The following CEP152 variants were observed in gnomAD, a reference collection of about 807,000 sequenced individuals.
CEP152 encodes centrosomal protein 152.
CEP152 carries 132 observed loss-of-function variants against 188.9 expected under a neutral mutation model. The ratio of observed to expected loss-of-function variants is 0.70; its 90% CI spans 0.61 to 0.81. CEP152 has a LOEUF of 0.81. Among genes scored for constraint, CEP152 ranks in the 30% least tolerant of loss-of-function variants. The pLI is 0.00. For missense variants in CEP152, 1,914 were observed against 1,969.8 expected, an observed-to-expected ratio of 0.97 and a Z score of 0.54; for synonymous variants, 649 against 666.6, an observed-to-expected ratio of 0.97 and a Z score of 0.41.
chr15:48,797,160 C>G (rs980856663), intron 5 of CEP152, 141 bp downstream of exon 5: 2 of 881,246 alleles, frequency 2.3e-6, no homozygotes, highest in Admixed American at 1.9e-5. Context: ...TCACCATGAA[C>G]CTGAATAAGT....
intron 26 of CEP152, among the ~76,000 whole-genome samples, chr15:48,739,508 T>G (rs992489394): frequency 2.6e-5 from 4 of 152,166 alleles, no homozygotes; most frequent in African/African-American, 9.7e-5. Context: ...TAGATAAAGC[T>G]TGGTAATTTT....
chr15:48,758,295 T>C (rs1476995477), intron 19 of CEP152, among the ~76,000 whole-genome samples: 3 of 152,260 alleles, frequency 2.0e-5, no homozygotes, highest in African/African-American at 7.2e-5. Context: ...CGGCCCTTTC[T>C]GGACCTCTTT....
rs1456180353 is a variant in CEP152 at position 48,737,948 on chromosome 15, A to G, written c.*301T>C. On this transcript the variant is annotated 3_prime_UTR_variant, in exon 27 of 27. Coordinates refer to ENST00000380950, the MANE Select transcript of CEP152 (RefSeq NM_001194998.2). The stretch of plus-strand genomic sequence containing the variant: ...AATTCATAACAATTCTACAGACCAT[A>G]TGCAAGTTTATTTAAATAAGTTAAC... 2 of 263,772 alleles carry G rather than the reference A, an allele frequency of 7.6e-6. No individual in the cohort carries two copies. Among genetic ancestry groups the G allele is most frequent in the Non-Finnish European group, 1.4e-5 (2 of 139,020 alleles). The allele number at this position is 263,772 out of a possible 1,614,324, so 16.3% of individuals were successfully genotyped here.
chr15:48,765,720 C>A (rs1166137684), intron 17 of CEP152: 2 of 346,036 alleles, frequency 5.8e-6, no homozygotes, highest in African/African-American at 5.2e-5. Flanking sequence ...GTGGCGCAAT[C>A]TCGACTCACT....
rs1595614917 is a variant in CEP152 at position 48,756,119 on chromosome 15, C to T, written c.3129G>A (p.Glu1043=). 6.2e-7 allele frequency: 1 copy of T among 1,614,110 alleles called. No individual in the cohort carries two copies. Among genetic ancestry groups the T allele is most frequent in the East Asian group, 2.2e-5 (1 of 44,882 alleles). Residue 1043 remains glutamate, a synonymous_variant, in exon 20 of 27, where the codon GAG becomes GAA. Transcript: ENST00000380950. The part of the protein sequence containing the change: ...KRIQLEIYQY[E]EDILTVLGVL... ...CCCCAAGTACAGTCAGGATGTCTTC[C>T]TCATACTGATAGATTTCCAGTTGGA...
Position 48,744,264 on chromosome 15 carries a change from TG to T in CEP152, c.3810del (p.Tyr1270Ter). 6.2e-7 allele frequency: 1 copy of T among 1,614,100 alleles called. No individual in the cohort carries two copies. Among genetic ancestry groups the T allele is most frequent in the Non-Finnish European group, 8.5e-7 (1 of 1,179,982 alleles). ...CATTTAATTTTTTTTACAGCTTTAA[TG>T]TACTGCCCACGAAGTTCTTCCAAGG... ...GGALEELRGQ[Y>X]IKAVKKIKCD... is the part of the protein sequence containing the mutation. On this transcript the variant is annotated frameshift_variant, in exon 24 of 27. Transcript: ENST00000380950. LOFTEE classifies it high-confidence loss of function.
intron 2 of CEP152, among the ~76,000 whole-genome samples, chr15:48,798,767 G>T (rs924001807): frequency 6.6e-6 from 1 of 152,008 alleles, no homozygotes; most frequent in Non-Finnish European, 1.5e-5. Context: ...TTAGCATTCT[G>T]CTTATTATAT....
At chr15:48,790,550 C>T (rs75724729) in intron 8 of CEP152, among the ~76,000 whole-genome samples, 5,340 of 152,224 alleles carry the variant, frequency 0.035, 110 homozygotes, top group Middle Eastern at 0.065. Flanking sequence ...AAACCAAGCT[C>T]ATTATTTCAT....
intron 5 of CEP152, 135 bp from the exon 6 acceptor site, chr15:48,796,295 C>T (rs201175143): frequency 0.049 from 18,477 of 378,276 alleles, 425 homozygotes; most frequent in East Asian, 0.22. Context: ...TATATACACA[C>T]ACACACACAC....
chr15:48,782,467 A>G (rs1418655756), intron 10 of CEP152, among the ~76,000 whole-genome samples: 3 of 152,204 alleles, frequency 2.0e-5, no homozygotes, highest in Admixed American at 6.5e-5. Flanking sequence ...ATGGGCTACT[A>G]TGACCTTTTT....
At position 48,781,186 on chromosome 15, in the gene CEP152, C is replaced by T; in HGVS notation, c.1577+10G>A. The T allele has an allele frequency of 6.2e-7, 1 of 1,612,234 alleles. No homozygotes were observed. Among genetic ancestry groups the T allele is most frequent in the Non-Finnish European group, 8.5e-7 (1 of 1,178,622 alleles). ...TTCTTCTACAGTAAACTAAAATATT[C>T]TTTCCATACCTGGTAACTTTGGATT... On this transcript the variant is annotated intron_variant, in intron 12 of 26. Transcript: ENST00000380950.
Position 48,741,979 on chromosome 15 carries a change from GAGGCA to G in CEP152, c.3952_3956del (p.Cys1318ProfsTer7). 6.2e-7 allele frequency: 1 copy of G among 1,614,080 alleles called. No individual in the cohort carries two copies. The stretch of plus-strand genomic sequence containing the variant: ...TTCCATCATCCTGCAAAATCTGTTG[GAGGCA>G]AATCAAATAATATTTGCGCATCTTT... On this transcript the variant is annotated frameshift_variant, in exon 25 of 27. Transcript: ENST00000380950. LOFTEE classifies it high-confidence loss of function.
intron 17 of CEP152, among the ~76,000 whole-genome samples, chr15:48,766,680 T>C (rs1248216160): frequency 6.6e-6 from 1 of 152,088 alleles, no homozygotes; most frequent in East Asian, 1.9e-4. Flanking sequence ...GAAAAAGGGC[T>C]CTGAACGAAT....
chr15:48,759,703 T>C (rs983665760), intron 19 of CEP152, among the ~76,000 whole-genome samples: 1 of 152,210 alleles, frequency 6.6e-6, no homozygotes, highest in African/African-American at 2.4e-5. Flanking sequence ...AGAGTACACA[T>C]GGTTATAATA....
At chr15:48,763,455 C>CTTGAA in intron 17 of CEP152, among the ~76,000 whole-genome samples, 1 of 152,120 alleles carries the variant, frequency 6.6e-6, no homozygotes, top group Non-Finnish European at 1.5e-5. Context: ...AGGCGGATCA[C>CTTGAA]CTGAGGTCAG....
chr15:48,773,527 G>C (rs1158759140), intron 12 of CEP152: 1 of 152,176 alleles, frequency 6.6e-6, no homozygotes, highest in Non-Finnish European at 1.5e-5. Flanking sequence ...ATGAAGGGAA[G>C]AAATACTGGG....
At chr15:48,806,410 C>G (rs1350800477) in intron 1 of CEP152, among the ~76,000 whole-genome samples, 1 of 146,716 alleles carries the variant, frequency 6.8e-6, no homozygotes, top group Admixed American at 6.7e-5. Context: ...TTAACTTGTA[C>G]TTAGGGATCC....
chr15:48,741,959 T>A lies in CEP152; in HGVS notation c.3977A>T (p.Asp1326Val). The change falls in exon 25 of 27, where the codon GAT (aspartate) becomes GTT (valine). Residue 1326 changes from aspartate (D) to valine (V), a missense_variant. Transcript: ENST00000380950. ...AGACTGAACTCACCCTTCTTTTCCA[T>A]CATCCTGCAAAATCTGTTGGAGGCA... ...LICLQQILQD[D>V]GKEGAEKKIM... 1 of 1,614,196 alleles carries A rather than the reference T, an allele frequency of 6.2e-7. No individual in the cohort carries two copies. Among genetic ancestry groups the A allele is most frequent in the Non-Finnish European group, 8.5e-7 (1 of 1,180,026 alleles).
chr15:48,739,678 C>T (rs941699005), intron 26 of CEP152, among the ~76,000 whole-genome samples: 26 of 152,158 alleles, frequency 1.7e-4, no homozygotes, highest in African/African-American at 6.0e-4. Flanking sequence ...CTCAAAGAAC[C>T]CCACCCACCC....
Sources: gnomAD v4.1 joint callset for allele counts (sites outside exome capture counted in the v4.1 genomes callset) on GRCh38, gnomAD v4.1.1 for gene constraint, MANE v1.5 for transcripts, NCBI Gene and HGNC (gene_info 2026-07-23, HGNC 2026-07-21) for gene names.